CHODL: variants seen among roughly 807,000 people sequenced by gnomAD.
CHODL encodes transmembrane protein MT75.
A neutral mutation model predicts 34.5 loss-of-function variants in CHODL; 29 were observed. The ratio of observed to expected loss-of-function variants is 0.84; its 90% CI spans 0.63 to 1.15. The LOEUF is 1.15. Ranked by LOEUF, CHODL falls within the 50% of genes most tolerant of loss-of-function variation. The pLI, the probability that CHODL is intolerant of heterozygous loss-of-function variation, is 0.00. For missense variants in CHODL, 332 were observed against 332.5 expected (o/e 1.00, Z 0.01); for synonymous variants, 125 against 116.1 (o/e 1.08, Z -0.49).
At chr21:18,049,879 C>T (rs2064492233) in intron 2 of CHODL, among the ~76,000 whole-genome samples, 1 of 151,962 alleles carries the variant, frequency 6.6e-6, no homozygotes, top group African/African-American at 2.4e-5. Context: ...CGTAATTCAG[C>T]ACATAACACC....
intron 2 of CHODL, among the ~76,000 whole-genome samples, chr21:18,138,375 A>G (rs921598800): frequency 2.2e-4 from 34 of 152,210 alleles, no homozygotes; most frequent in Non-Finnish European, 3.5e-4. Flanking sequence ...TTATTTTCAT[A>G]GTGTTTACAA....
rs1601232823 is a variant in CHODL at position 18,265,976 on chromosome 21, C to T, written c.760C>T (p.Pro254Ser). 6.2e-7 allele frequency: 1 copy of T among 1,612,954 alleles called. No homozygotes were observed. The highest frequency in any genetic ancestry group is 8.5e-7 in the Non-Finnish European group (1 of 1,179,538). Residue 254 changes from proline (P) to serine (S), a missense_variant, in exon 6 of 6, where the codon CCA (proline) becomes TCA (serine). Physicochemically the swap from Pro to Ser is moderately conservative, Grantham distance 74 (BLOSUM62 -1). Coordinates refer to ENST00000299295, the MANE Select transcript of CHODL (RefSeq NM_024944.3). ...CAGTAAAGGAAGAACAAAAACTAGTCCAAACCAGTCTACACTGTGGATTTC... is the reference window on the plus strand; with the variant it reads ...CAGTAAAGGAAGAACAAAAACTAGTTCAAACCAGTCTACACTGTGGATTTC... ...HKSKGRTKTS[P>S]NQSTLWISKS...
At chr21:18,108,295 G>T (rs976134171) in intron 2 of CHODL, among the ~76,000 whole-genome samples, 2 of 152,082 alleles carry the variant, frequency 1.3e-5, no homozygotes, top group Admixed American at 1.3e-4. Context: ...CCAATTTAGG[G>T]TATTGGATCT....
At chr21:18,007,524 G>A (rs1419363843) in intron 1 of CHODL, among the ~76,000 whole-genome samples, 1 of 152,114 alleles carries the variant, frequency 6.6e-6, no homozygotes, top group Non-Finnish European at 1.5e-5. Context: ...TTTTGATTAG[G>A]TGCATGCATT....
At chr21:18,137,994 A>C (rs939135919) in intron 2 of CHODL, among the ~76,000 whole-genome samples, 1 of 152,188 alleles carries the variant, frequency 6.6e-6, no homozygotes, top group African/African-American at 2.4e-5. Context: ...GGACCAAAAA[A>C]AACCTCCAAA....
chr21:18,240,374 ATTCATTCTTTTTATAT>A (rs1463725723), upstream of CHODL, among the ~76,000 whole-genome samples: 1 of 152,134 alleles, frequency 6.6e-6, no homozygotes, highest in African/African-American at 2.4e-5. Flanking sequence ...AACTTCTCCA[ATTCATTCTTTTTATAT>A]TTATAAAGTG....
At chr21:18,006,488 CCCT>C (rs1312321700) in intron 1 of CHODL, among the ~76,000 whole-genome samples, 2 of 152,180 alleles carry the variant, frequency 1.3e-5, no homozygotes, top group Non-Finnish European at 2.9e-5. Context: ...TACCTTTCCT[CCCT>C]CACAGGAGCA....
intron 1 of CHODL, among the ~76,000 whole-genome samples, chr21:17,929,351 A>G (rs1471992508): frequency 6.6e-6 from 1 of 152,240 alleles, no homozygotes; most frequent in Non-Finnish European, 1.5e-5. Context: ...TGAAAGAAAA[A>G]GTACAAATAA....
intron 1 of CHODL, among the ~76,000 whole-genome samples, chr21:17,980,387 A>G (rs2063704450): frequency 6.6e-6 from 1 of 152,220 alleles, no homozygotes. Flanking sequence ...AATGAGAATA[A>G]TAGGATCACT....
intron 1 of CHODL, among the ~76,000 whole-genome samples, chr21:17,978,927 C>T (rs158000): frequency 0.22 from 33,828 of 151,876 alleles, 4,967 homozygotes; most frequent in African/African-American, 0.41. Flanking sequence ...ATAGGCCCCT[C>T]TCTGTCCATG....
intron 2 of CHODL, among the ~76,000 whole-genome samples, chr21:18,064,699 A>G (rs1332744544): frequency 3.5e-4 from 53 of 152,048 alleles, no homozygotes; most frequent in Admixed American, 3.3e-3. Flanking sequence ...AGATTTTGTG[A>G]GTTCTCAGCT....
At chr21:18,087,065 T>G (rs766098962) in intron 2 of CHODL, among the ~76,000 whole-genome samples, 1 of 152,166 alleles carries the variant, frequency 6.6e-6, no homozygotes, top group Non-Finnish European at 1.5e-5. Flanking sequence ...TTGTTCTAAG[T>G]GTGCTTATGA....
chr21:18,086,816 G>T (rs2065013219), intron 2 of CHODL, among the ~76,000 whole-genome samples: 1 of 152,170 alleles, frequency 6.6e-6, no homozygotes, highest in Non-Finnish European at 1.5e-5. Context: ...GGCTTCTGAA[G>T]GGCTGATTCT....
At chr21:18,002,226 T>C (rs1222568323) in intron 1 of CHODL, among the ~76,000 whole-genome samples, 1 of 152,224 alleles carries the variant, frequency 6.6e-6, no homozygotes, top group Non-Finnish European at 1.5e-5. Flanking sequence ...GTTATGTGAA[T>C]TAAATGATTA....
rs2072591594 is a variant in CHODL at position 18,127,687 on chromosome 21, T to G, written c.-45+99716T>G. Reference sequence around the variant, plus strand: ...CGTTGCCATTGTTTTTTTTTTTTTTTTTTTTTTTTTTTTTAGCTTAAAACA... The same window carrying G: ...CGTTGCCATTGTTTTTTTTTTTTTTGTTTTTTTTTTTTTTAGCTTAAAACA... On this transcript the variant is annotated intron_variant, in intron 2 of 6. Coordinates refer to the CHODL transcript ENST00000400127. 2.1e-5 allele frequency among the ~76,000 whole-genome samples: 3 copies of G among 145,238 alleles called. No individual in the cohort carries two copies. In the South Asian group the frequency reaches 6.7e-4, roughly 32 times the overall value.
intron 2 of CHODL, among the ~76,000 whole-genome samples, chr21:18,234,605 C>A (rs2074012337): frequency 6.6e-6 from 1 of 152,176 alleles, no homozygotes; most frequent in African/African-American, 2.4e-5. Context: ...AGGCAGGGAA[C>A]AATCCACCCC....
chr21:18,198,399 A>C (rs898102521), intron 2 of CHODL, among the ~76,000 whole-genome samples: 1 of 152,210 alleles, frequency 6.6e-6, no homozygotes, highest in African/African-American at 2.4e-5. Context: ...CATATAATTT[A>C]TAAAGTTTTA....
At chr21:17,995,704 C>G (rs1453359231) in intron 1 of CHODL, among the ~76,000 whole-genome samples, 1 of 152,222 alleles carries the variant, frequency 6.6e-6, no homozygotes, top group African/African-American at 2.4e-5. Context: ...TTAATTATCT[C>G]TAACTGTACC....
chr21:18,163,796 G>GT (rs1555877885), intron 2 of CHODL, among the ~76,000 whole-genome samples: 7 of 151,006 alleles, frequency 4.6e-5, no homozygotes, highest in African/African-American at 1.7e-4. Flanking sequence ...GGTTTTCTGT[G>GT]TTAAAAAAAA....
Sources: gnomAD v4.1 joint callset for allele counts (sites outside exome capture counted in the v4.1 genomes callset) on GRCh38, gnomAD v4.1.1 for gene constraint, MANE v1.5 for transcripts, NCBI Gene and HGNC (gene_info 2026-07-23, HGNC 2026-07-21) for gene names.